SLCO2A1: variants seen among roughly 807,000 people sequenced by gnomAD.
SLCO2A1 encodes the protein solute carrier organic anion transporter family member 2A1.
SLCO2A1 carries 60 observed loss-of-function variants against 71.7 expected under a neutral mutation model. The ratio of observed to expected loss-of-function variants is 0.84; its 90% CI spans 0.68 to 1.04. The LOEUF (loss-of-function observed/expected upper bound fraction) is 1.04, where lower values mean the gene tolerates loss of function less well. SLCO2A1 is among the 50% of genes least tolerant of loss of function. The pLI, the probability that SLCO2A1 is intolerant of heterozygous loss-of-function variation, is 0.00. For missense variants in SLCO2A1, 745 were observed against 813.4 expected, an observed-to-expected ratio of 0.92 and a Z score of 1.02; for synonymous variants, 308 against 326.7, an observed-to-expected ratio of 0.94 and a Z score of 0.62.
rs117837593 is a variant in SLCO2A1 at position 133,935,791 on chromosome 3, G to A, written c.1797C>T (p.Asn599=). 1,516 of 1,606,544 alleles carry A rather than the reference G, an allele frequency of 9.4e-4. 18 individuals carry two copies. In the East Asian group the frequency reaches 0.026, roughly 27 times the overall value. The change falls in exon 13 of 14, where the codon AAC becomes AAT. Residue 599 remains asparagine (N), a synonymous_variant. Coordinates refer to ENST00000310926, the MANE Select transcript of SLCO2A1 (RefSeq NM_005630.3). ...GRRGACAYYD[N]DALRDRYLGL... is the part of the protein sequence containing the mutation. ...GCCCTCACCTGTCTCGGAGAGCATC[G>A]TTGTCATAGTAGGCGCAGGCCCCTC...
In SLCO2A1 at chr3:134,001,525, C is replaced by T. The variant is rs1935103388; in HGVS notation, c.97-21907G>A. Among the ~76,000 whole-genome samples the T allele has an allele frequency of 2.6e-5, 4 of 152,172 alleles. No homozygotes were observed. The South Asian group carries it at 8.3e-4, about 32-fold the overall frequency. ...CTGTGACCTCACCTCTTTGACTTTT[C>T]CCTGTGTCTCCCAAGGCATTTTCTC... On this transcript the variant is annotated intron_variant, in intron 1 of 13. Transcript: ENST00000310926.
chr3:134,029,322 GC>G (rs1469894990), intron 1 of SLCO2A1, among the ~76,000 whole-genome samples: 3 of 152,168 alleles, frequency 2.0e-5, no homozygotes, highest in Non-Finnish European at 4.4e-5. Context: ...CGAAGTAACC[GC>G]CCGCTGGAGG....
At chr3:133,989,995 G>A (rs1415479304) in intron 1 of SLCO2A1, among the ~76,000 whole-genome samples, 5 of 151,748 alleles carry the variant, frequency 3.3e-5, no homozygotes, top group Non-Finnish European at 7.4e-5. Context: ...GATAGTTCCC[G>A]TTAATTCTAG....
intron 1 of SLCO2A1, among the ~76,000 whole-genome samples, chr3:134,020,575 C>T (rs775105342): frequency 3.9e-5 from 6 of 152,252 alleles, no homozygotes; most frequent in African/African-American, 1.4e-4. Context: ...AGGTTTTCAC[C>T]GGTCTGGACA....
intron 12 of SLCO2A1, among the ~76,000 whole-genome samples, chr3:133,936,543 C>T (rs1231781190): frequency 6.6e-6 from 1 of 152,260 alleles, no homozygotes; most frequent in East Asian, 1.9e-4. Flanking sequence ...GCTATGCCTT[C>T]CTGGCTGTCT....
At chr3:133,963,130 G>A (rs1934081351) in intron 3 of SLCO2A1, among the ~76,000 whole-genome samples, 1 of 152,080 alleles carries the variant, frequency 6.6e-6, no homozygotes, top group South Asian at 2.1e-4. Context: ...ACCAGCATGT[G>A]AGTCAACCCT....
At chr3:133,940,416 T>A (rs1210255549) in intron 11 of SLCO2A1, among the ~76,000 whole-genome samples, 2 of 152,188 alleles carry the variant, frequency 1.3e-5, no homozygotes, top group Non-Finnish European at 2.9e-5. Flanking sequence ...AGGAGAGATT[T>A]TCTAGAGAAG....
At chr3:134,023,125 CAA>C (rs869059641) in intron 1 of SLCO2A1, among the ~76,000 whole-genome samples, 2 of 35,014 alleles carry the variant, frequency 5.7e-5, no homozygotes, top group Non-Finnish European at 1.9e-4. Flanking sequence ...TACAGCAAAA[CAA>C]ACAAACAAAC....
intron 1 of SLCO2A1, among the ~76,000 whole-genome samples, chr3:133,996,552 T>C (rs1218577711): frequency 6.6e-6 from 1 of 152,162 alleles, no homozygotes; most frequent in Non-Finnish European, 1.5e-5. Context: ...CTCACGACAC[T>C]GGCAGAGGCG....
Position 133,938,411 on chromosome 3 carries a change from G to A in SLCO2A1, c.1690+18C>T, listed in dbSNP as rs771044563. The A allele has an allele frequency of 3.1e-6, 5 of 1,612,476 alleles. No homozygotes were observed. Among genetic ancestry groups the A allele is most frequent in the Non-Finnish European group, 3.4e-6 (4 of 1,178,510 alleles). On this transcript the variant is annotated intron_variant, in intron 12 of 13. Coordinates refer to ENST00000310926, the MANE Select transcript of SLCO2A1 (RefSeq NM_005630.3). ...CGCCTGGGGCCACTTCTTGGGAAGA[G>A]GGGTCTTAGACACTTACCCAGCAAG...
At chr3:134,010,503 C>A (rs562159129) in intron 1 of SLCO2A1, among the ~76,000 whole-genome samples, 74 of 152,146 alleles carry the variant, frequency 4.9e-4, no homozygotes, top group African/African-American at 1.7e-3. Flanking sequence ...CCTGTAATCC[C>A]AGCACTTTGG....
At chr3:134,006,610 T>A (rs1935221096) in intron 1 of SLCO2A1, among the ~76,000 whole-genome samples, 1 of 152,220 alleles carries the variant, frequency 6.6e-6, no homozygotes, top group Non-Finnish European at 1.5e-5. Flanking sequence ...TCATTTAGAG[T>A]AATGTCATCA....
intron 1 of SLCO2A1, among the ~76,000 whole-genome samples, chr3:134,026,033 T>C (rs1008798851): frequency 6.6e-6 from 1 of 152,142 alleles, no homozygotes; most frequent in African/African-American, 2.4e-5. Context: ...TCAATGACCA[T>C]GGGAAGCCCG....
intron 13 of SLCO2A1, 90 bp downstream of exon 13, chr3:133,935,684 C>A (rs1023576237): frequency 4.2e-5 from 58 of 1,380,558 alleles, no homozygotes; most frequent in Non-Finnish European, 5.4e-5. Flanking sequence ...GGAAGCCTGA[C>A]AGCCCCCACA....
intron 2 of SLCO2A1, among the ~76,000 whole-genome samples, chr3:133,976,064 T>G (rs2108056483): frequency 6.6e-6 from 1 of 152,368 alleles, no homozygotes; most frequent in South Asian, 2.1e-4. Flanking sequence ...CGTTAAATAT[T>G]GTTGAACAAA....
chr3:133,961,697 A>T (rs141882665), intron 3 of SLCO2A1, among the ~76,000 whole-genome samples: 1,520 of 144,716 alleles, frequency 0.011, 20 homozygotes, highest in African/African-American at 0.035. Context: ...ATATGTATTT[A>T]AAAATAATCA....
intron 3 of SLCO2A1, among the ~76,000 whole-genome samples, chr3:133,965,364 C>T (rs1301583812): frequency 6.6e-6 from 1 of 152,216 alleles, no homozygotes; most frequent in African/African-American, 2.4e-5. Context: ...GGCTCGGGTG[C>T]CCGTGGGCCA....
Position 133,949,039 on chromosome 3 carries a change from T to C in SLCO2A1, c.862-68A>G, listed in dbSNP as rs1933667758. ...CTGTAGCCACCCTTCCCTGAGCCCT[T>C]GAGTCTCTGGCCTCAGAAGCTCAGG... On this transcript the variant is annotated intron_variant, in intron 6 of 13. Transcript: ENST00000310926. The C allele has an allele frequency of 3.6e-6, 5 of 1,376,280 alleles. No homozygotes were observed. In the Admixed American group the frequency reaches 8.5e-5, roughly 23 times the overall value. 85.3% of individuals were successfully genotyped at this position (1,376,280 alleles called of 1,614,324 possible). A position where few individuals can be genotyped will look rare whatever the true frequency, so the allele number is the denominator to read the frequency against.
Position 134,020,247 on chromosome 3 carries a change from G to A in SLCO2A1, c.96+9460C>T, listed in dbSNP as rs142942182. Among the ~76,000 whole-genome samples the A allele has an allele frequency of 1.8e-4, 28 of 152,280 alleles. No homozygotes were observed. In the East Asian group the frequency reaches 5.4e-3, roughly 29 times the overall value. ...CTTAGCGAGCTCGGCTCTTAAGACA[G>A]GAGTCTTGCCGATGCCCCCAGCCAA... On this transcript the variant is annotated intron_variant, in intron 1 of 13. Transcript: ENST00000310926.
Sources: allele counts gnomAD v4.1 joint callset (sites outside exome capture counted in the v4.1 genomes callset), GRCh38; gene constraint gnomAD v4.1.1; transcripts MANE v1.5; gene names NCBI Gene and HGNC (gene_info 2026-07-23, HGNC 2026-07-21).